RIF1: variants seen among roughly 807,000 people sequenced by gnomAD.
RIF1 encodes the protein replication timing regulatory factor 1.
A neutral mutation model predicts 247.1 loss-of-function variants in RIF1; 45 were observed. The ratio of observed to expected loss-of-function variants is 0.18; its 90% confidence interval spans 0.14 to 0.23. The LOEUF is 0.23. Among genes scored for constraint, RIF1 ranks in the 10% least tolerant of loss-of-function variants. RIF1 has a pLI of 1.00. For missense variants in RIF1, 2,967 were observed against 2,862.5 expected (o/e 1.04, Z -0.83); for synonymous variants, 1,087 against 978.8 (o/e 1.11, Z -2.06).
intron 4 of RIF1, among the ~76,000 whole-genome samples, chr2:151,415,279 G>A (rs973288801): frequency 8.0e-5 from 12 of 149,094 alleles, no homozygotes; most frequent in Middle Eastern, 3.6e-3. Flanking sequence ...CCCGGGAGGC[G>A]GAGTTTGCAG....
chr2:151,491,737 CA>C lies in RIF1; in HGVS notation c.*416-3487del. ...ATGTTGTCTTCTGCTGGATCATAGT[CA>C]AAAACCGAACCAGGATTAGTACGCC... On this transcript the variant is annotated intron_variant and NMD_transcript_variant, in intron 9 of 13. Coordinates refer to the RIF1 transcript ENST00000454583. The C allele has an allele frequency of 6.3e-7, 1 of 1,597,504 alleles. No homozygotes were observed. The highest frequency in any genetic ancestry group is 8.5e-7 in the Non-Finnish European group (1 of 1,171,504).
At chr2:151,443,445 G>T in intron 17 of RIF1, 84 bp from the exon 18 acceptor site, 1 of 1,387,486 alleles carries the variant, frequency 7.2e-7, no homozygotes, top group African/African-American at 1.5e-5. Context: ...TTAACTTTTT[G>T]TCAGTTATTT....
chr2:151,425,394 A>G (rs1325435620), intron 8 of RIF1, among the ~76,000 whole-genome samples: 2 of 152,064 alleles, frequency 1.3e-5, no homozygotes, highest in African/African-American at 4.8e-5. Flanking sequence ...TTGGTGAAGT[A>G]TAATATATAT....
At chr2:151,461,595 T>C (rs985674936) in intron 27 of RIF1, among the ~76,000 whole-genome samples, 2 of 151,954 alleles carry the variant, frequency 1.3e-5, no homozygotes, top group Non-Finnish European at 2.9e-5. Context: ...GGTTTCACCA[T>C]GTTAGCCAGG....
chr2:151,462,366 T>A (rs775922469), intron 28 of RIF1, 44 bp downstream of exon 28: 7 of 1,464,342 alleles, frequency 4.8e-6, no homozygotes, highest in Non-Finnish European at 6.5e-6. Flanking sequence ...TTTTATTCAT[T>A]TTCAAATAAT....
At chr2:151,446,945 CTT>C (rs71403169) in intron 20 of RIF1, among the ~76,000 whole-genome samples, 26 of 137,630 alleles carry the variant, frequency 1.9e-4, no homozygotes, top group East Asian at 1.0e-3. Flanking sequence ...TTTTCTCTTT[CTT>C]TTTTTTTTTT....
intron 9 of RIF1, chr2:151,491,628 C>G: frequency 1.5e-6 from 2 of 1,375,590 alleles, no homozygotes; most frequent in Non-Finnish European, 2.0e-6. Flanking sequence ...AAGTCATTGA[C>G]TCTAGCATAC....
intron 9 of RIF1, among the ~76,000 whole-genome samples, chr2:151,429,260 G>A (rs1019665008): frequency 1.3e-5 from 2 of 151,838 alleles, no homozygotes; most frequent in Non-Finnish European, 2.9e-5. Flanking sequence ...GGTTCACTGC[G>A]ACCCCCGCCT....
intron 16 of RIF1, among the ~76,000 whole-genome samples, chr2:151,442,695 A>G (rs546921435): frequency 6.6e-6 from 1 of 150,680 alleles, no homozygotes; most frequent in Admixed American, 6.6e-5. Context: ...TGTTCTTTTT[A>G]TATCTGGAAT....
chr2:151,455,400 A>C (rs551275880), intron 22 of RIF1, among the ~76,000 whole-genome samples: 7 of 152,242 alleles, frequency 4.6e-5, no homozygotes, highest in African/African-American at 1.7e-4. Flanking sequence ...TTACCTTTTC[A>C]GAATTGTTTA....
At chr2:151,514,791 G>A in the RIF1 span, 1 of 1,438,032 alleles carries the variant, frequency 7.0e-7, no homozygotes, top group Non-Finnish European at 9.6e-7. Context: ...GGATTAAGAG[G>A]GAAAGAAAAG....
At position 151,506,988 on chromosome 2, in the gene RIF1, T is replaced by C. The variant is rs143602832; in HGVS notation, c.*1027+613T>C. 2.9e-4 allele frequency: 474 copies of C among 1,606,856 alleles called. 2 individuals carry two copies. The African/African-American group carries it at 5.7e-3, about 19-fold the overall frequency. On this transcript the variant is annotated intron_variant and NMD_transcript_variant, in intron 13 of 13. Transcript: ENST00000454583. ...AACAACTGTAATTTTTCCTTTACTGTTTTTAAGGTCACACTGGTATTGGAG... is the reference window on the plus strand; with the variant it reads ...AACAACTGTAATTTTTCCTTTACTGCTTTTAAGGTCACACTGGTATTGGAG...
Position 151,465,048 on chromosome 2 carries a change from C to T in RIF1, c.5528C>T (p.Ser1843Phe). The T allele has an allele frequency of 6.3e-7, 1 of 1,589,902 alleles. No homozygotes were observed. The highest frequency in any genetic ancestry group is 8.5e-7 in the Non-Finnish European group (1 of 1,173,748). ...AGAGAGGAAATTTGTGATATGGATT[C>T]TAGTGAAGCAATGTCTCTTGAAAGC... ...NFREEICDMDSSEAMSLESQE... is the reference protein window; with the variant it reads ...NFREEICDMDFSEAMSLESQE... Residue 1843 changes from serine to phenylalanine, a missense_variant, in exon 30 of 36, where the codon TCT becomes TTT. Coordinates refer to ENST00000444746, the MANE Select transcript of RIF1 (RefSeq NM_018151.5).
rs558837275 is a variant in RIF1, at chr2:151,502,217, A to T, written c.*710-817A>T. On this transcript the variant is annotated intron_variant and NMD_transcript_variant, in intron 11 of 13. Coordinates refer to the RIF1 transcript ENST00000454583. The stretch of plus-strand genomic sequence containing the variant: ...GATACAGTGAACTTTGGGGACTTGC[A>T]GGAAAGAGTGGAAGTGAGGCGAGGG... 3.3e-5 allele frequency among the ~76,000 whole-genome samples: 5 copies of T among 152,282 alleles called. No homozygotes were observed. The East Asian group carries it at 9.6e-4, about 29-fold the overall frequency.
intron 35 of RIF1, among the ~76,000 whole-genome samples, 192 bp from the exon 36 acceptor site, chr2:151,474,665 G>A (rs558626115): frequency 2.3e-3 from 350 of 152,270 alleles, no homozygotes; most frequent in Non-Finnish European, 3.6e-3. Flanking sequence ...AATAGAATGA[G>A]GCTCCATCTC....
At chr2:151,513,911 C>T in the RIF1 span, among the ~76,000 whole-genome samples, 2 of 152,162 alleles carry the variant, frequency 1.3e-5, no homozygotes, top group Non-Finnish European at 2.9e-5. Context: ...TATGGGTCAA[C>T]AGAGGTCTCC....
intron 9 of RIF1, chr2:151,491,527 T>C: frequency 1.6e-6 from 1 of 620,494 alleles, no homozygotes; most frequent in Admixed American, 2.7e-5. Context: ...AAAGTAAGTT[T>C]TGCTCACTAG....
Position 151,458,906 on chromosome 2 carries a change from A to T in RIF1, c.2951A>T (p.Asp984Val). 4 of 1,579,062 alleles carry T rather than the reference A, an allele frequency of 2.5e-6. No individual in the cohort carries two copies. The highest frequency in any genetic ancestry group is 3.5e-6 in the Non-Finnish European group (4 of 1,152,576). Reference sequence around the variant, plus strand: ...GAGGAATCCAGTGGACCATATTCTGATGGAGTAAGTTGGGGGGTTTTATTG... The same window carrying T: ...GAGGAATCCAGTGGACCATATTCTGTTGGAGTAAGTTGGGGGGTTTTATTG... ...MMEESSGPYS[D>V]GTENSQLNVK... is the part of the protein sequence containing the mutation. The change falls in exon 25 of 36, where the codon GAT (aspartate) becomes GTT (valine). Residue 984 changes from aspartate to valine, a missense_variant. Coordinates refer to ENST00000444746, the MANE Select transcript of RIF1 (RefSeq NM_018151.5).
chr2:151,443,398 C>T lies in RIF1; in HGVS notation c.1805+69C>T, dbSNP rs1692705056. ...TGTAATGAATGAGATTATTTATGTA[C>T]TATTTCATAAGTTTAAGTTTTTTTA... On this transcript the variant is annotated intron_variant, in intron 17 of 35. Transcript: ENST00000444746. The T allele has an allele frequency of 2.3e-6, 3 of 1,301,010 alleles. No individual in the cohort carries two copies. The South Asian group carries it at 4.1e-5, about 18-fold the overall frequency. The allele number at this position is 1,301,010 out of a possible 1,614,324, so 80.6% of individuals were successfully genotyped here.
Sources: gnomAD v4.1 joint callset for allele counts (sites outside exome capture counted in the v4.1 genomes callset) on GRCh38, gnomAD v4.1.1 for gene constraint, MANE v1.5 for transcripts, NCBI Gene and HGNC (gene_info 2026-07-23, HGNC 2026-07-21) for gene names.